The following MSRA variants were observed in gnomAD, a reference collection of about 807,000 sequenced individuals.
The protein encoded by MSRA is methionine sulfoxide reductase A.
MSRA carries 54 observed loss-of-function variants against 31.3 expected under a neutral mutation model. The ratio of observed to expected loss-of-function variants is 1.73; its 90% CI spans 1.39 to 2.17. The LOEUF is 2.17. MSRA is among the 30% of genes most tolerant of loss of function. MSRA has a pLI of 0.00. For synonymous variants in MSRA, 169 were observed against 116.5 expected (o/e 1.45, Z -2.90); for missense variants, 507 against 300.9 (o/e 1.69, Z -5.07).
At chr8:10,249,461 C>T (rs1330123032) in intron 3 of MSRA, among the ~76,000 whole-genome samples, 2 of 152,182 alleles carry the variant, frequency 1.3e-5, no homozygotes, top group African/African-American at 2.4e-5. Flanking sequence ...CTTGCATGTG[C>T]CCATAATTTC....
intron 1 of MSRA, among the ~76,000 whole-genome samples, chr8:10,079,394 A>ATC (rs978844961): frequency 1.3e-5 from 2 of 152,240 alleles, no homozygotes; most frequent in African/African-American, 4.8e-5. Context: ...GGCTCAAGCA[A>ATC]TCTGCCTTCC....
intron 2 of MSRA, among the ~76,000 whole-genome samples, chr8:10,235,922 G>C (rs904452023): frequency 6.6e-6 from 1 of 152,100 alleles, no homozygotes; most frequent in Non-Finnish European, 1.5e-5. Flanking sequence ...AAATAGCACA[G>C]GTAGTTCAGT....
At chr8:10,422,638 A>G (rs1672637357) in intron 5 of MSRA, among the ~76,000 whole-genome samples, 1 of 152,186 alleles carries the variant, frequency 6.6e-6, no homozygotes, top group Non-Finnish European at 1.5e-5. Flanking sequence ...TGGAGTCAGT[A>G]AGAGAGAGAA....
chr8:10,250,420 C>T (rs1437029293), intron 3 of MSRA: 1 of 702,126 alleles, frequency 1.4e-6, no homozygotes, highest in African/African-American at 1.7e-5. Flanking sequence ...ATTTTGCTTA[C>T]AGATGTTCAG....
chr8:10,269,276 A>G (rs1030558194), intron 3 of MSRA, among the ~76,000 whole-genome samples: 7 of 152,240 alleles, frequency 4.6e-5, no homozygotes, highest in African/African-American at 1.2e-4. Context: ...AAGTGGTTTC[A>G]TTGTAACTCA....
At chr8:10,156,626 C>G (rs753485858) in intron 1 of MSRA, among the ~76,000 whole-genome samples, 17 of 152,038 alleles carry the variant, frequency 1.1e-4, no homozygotes, top group South Asian at 4.1e-4. Context: ...CACATAGAGA[C>G]ATGGTGCTAG....
chr8:10,275,805 A>C (rs1483365076), intron 3 of MSRA, among the ~76,000 whole-genome samples: 2 of 152,212 alleles, frequency 1.3e-5, no homozygotes, highest in Admixed American at 1.3e-4. Flanking sequence ...CCAGAGATTA[A>C]CATGGATTCC....
intron 1 of MSRA, among the ~76,000 whole-genome samples, chr8:10,126,554 C>G (rs1057377475): frequency 2.6e-5 from 4 of 152,090 alleles, no homozygotes; most frequent in Non-Finnish European, 4.4e-5. Flanking sequence ...CTTCTGTCGC[C>G]CAGGCTAGAG....
chr8:10,209,200 C>G (rs1010562656), intron 2 of MSRA, among the ~76,000 whole-genome samples: 20 of 152,202 alleles, frequency 1.3e-4, no homozygotes, highest in African/African-American at 4.1e-4. Context: ...TGCTAACTTT[C>G]CTGTCCCAGC....
At chr8:10,391,075 A>C (rs1806715039) in intron 5 of MSRA, among the ~76,000 whole-genome samples, 1 of 152,192 alleles carries the variant, frequency 6.6e-6, no homozygotes, top group African/African-American at 2.4e-5. Context: ...CACTTCAAAA[A>C]AGTAAAAAGA....
intron 3 of MSRA, among the ~76,000 whole-genome samples, chr8:10,291,210 C>A (rs1477067458): frequency 6.6e-6 from 1 of 152,170 alleles, no homozygotes; most frequent in East Asian, 1.9e-4. Flanking sequence ...TGGCACTCCT[C>A]TGAGAGCATA....
In MSRA at chr8:10,301,528, TC is replaced by T. The variant is rs767038582; in HGVS notation, c.332-4del. 1.2e-6 allele frequency: 2 copies of T among 1,606,478 alleles called. No individual in the cohort carries two copies. The highest frequency in any genetic ancestry group is 1.7e-6 in the Non-Finnish European group (2 of 1,177,968). The stretch of plus-strand genomic sequence containing the variant: ...AATTTCGGTTGTACGTTTTGTTTTT[TC>T]CAAGAAAAAACTGGCCATGCAGAAG... On this transcript the variant is annotated splice_region_variant and splice_polypyrimidine_tract_variant and intron_variant, in intron 3 of 5. Coordinates refer to ENST00000317173, the MANE Select transcript of MSRA (RefSeq NM_012331.5).
intron 1 of MSRA, among the ~76,000 whole-genome samples, chr8:10,109,844 G>T (rs1338598567): frequency 6.6e-6 from 1 of 152,214 alleles, no homozygotes; most frequent in Admixed American, 6.5e-5. Context: ...CAGTGATCAA[G>T]TGATACCACG....
At chr8:10,156,541 A>G (rs1804165422) in intron 1 of MSRA, among the ~76,000 whole-genome samples, 1 of 152,204 alleles carries the variant, frequency 6.6e-6, no homozygotes, top group Non-Finnish European at 1.5e-5. Context: ...TTGTTTCTGT[A>G]GGTTTGATAT....
chr8:10,402,784 A>T (rs559479139), intron 5 of MSRA, among the ~76,000 whole-genome samples: 2 of 152,318 alleles, frequency 1.3e-5, no homozygotes, highest in South Asian at 4.1e-4. Flanking sequence ...ATTTGCAGTT[A>T]TTTGCTTTGC....
chr8:10,351,511 C>T (rs1414553703), intron 5 of MSRA, among the ~76,000 whole-genome samples: 2 of 152,160 alleles, frequency 1.3e-5, no homozygotes, highest in Non-Finnish European at 1.5e-5. Flanking sequence ...TTCAGCCTCC[C>T]AAAGTGCTGG....
intron 1 of MSRA, among the ~76,000 whole-genome samples, chr8:10,163,762 G>A (rs927727237): frequency 2.6e-5 from 4 of 152,256 alleles, no homozygotes; most frequent in African/African-American, 9.6e-5. Context: ...AGGGGAGGAT[G>A]GCTGGGGTAA....
intron 3 of MSRA, among the ~76,000 whole-genome samples, chr8:10,260,590 G>A (rs993783866): frequency 2.0e-5 from 3 of 152,172 alleles, no homozygotes; most frequent in African/African-American, 7.2e-5. Context: ...ATGCCTGCTA[G>A]GAAATCCAAG....
intron 5 of MSRA, among the ~76,000 whole-genome samples, chr8:10,383,752 A>C (rs931589149): frequency 6.6e-6 from 1 of 152,192 alleles, no homozygotes; most frequent in Non-Finnish European, 1.5e-5. Context: ...CTGCATTGGG[A>C]AACTGTAGGG....
Sources: gnomAD v4.1 joint callset for allele counts (sites outside exome capture counted in the v4.1 genomes callset) on GRCh38, gnomAD v4.1.1 for gene constraint, MANE v1.5 for transcripts, NCBI Gene and HGNC (gene_info 2026-07-23, HGNC 2026-07-21) for gene names.